Variants in PSMC3 observed in about 807,000 individuals in gnomAD.
The protein encoded by PSMC3 is 26S proteasome regulatory subunit 6A.
A neutral mutation model predicts 52.0 loss-of-function variants in PSMC3; 11 were observed. The ratio of observed to expected loss-of-function variants is 0.21; its 90% CI spans 0.13 to 0.35. The LOEUF (loss-of-function observed/expected upper bound fraction) is 0.35. Among genes scored for constraint, PSMC3 ranks in the 10% least tolerant of loss-of-function variants. PSMC3 has a pLI of 1.00. For synonymous variants in PSMC3, 201 were observed against 218.8 expected, an observed-to-expected ratio of 0.92 and a Z score of 0.72; for missense variants, 238 against 567.1, an observed-to-expected ratio of 0.42 and a Z score of 5.89.
Position 47,422,856 on chromosome 11 carries a change from C to A in PSMC3, c.709G>T (p.Ala237Ser). Reference sequence around the variant, plus strand: ...TTAGTCTGTGCGGCACAGGCCCGGGCCAGGAGGGTCTTCCCCGTCCCTGGG... The same window carrying A: ...TTAGTCTGTGCGGCACAGGCCCGGGACAGGAGGGTCTTCCCCGTCCCTGGG... ...GPPGTGKTLL[A>S]RACAAQTKAT... Residue 237 changes from alanine to serine, a missense_variant, in exon 7 of 12, where the codon GCC becomes TCC. Around this residue, in one of 6 missense-constraint regions of PSMC3, gnomAD observed 46 missense variants for 172.9 expected, o/e 0.27. Coordinates refer to ENST00000298852, the MANE Select transcript of PSMC3 (RefSeq NM_002804.5). This position sits in a 1 kb window ranked among gnomAD's most constrained non-coding sequence, Gnocchi z 4.3. 1 of 1,612,324 alleles carries A rather than the reference C, an allele frequency of 6.2e-7. No homozygotes were observed. Among genetic ancestry groups the A allele is most frequent in the Non-Finnish European group, 8.5e-7 (1 of 1,178,990 alleles).
At chr11:47,421,945 C>T (rs1270500465) in intron 8 of PSMC3, among the ~76,000 whole-genome samples, 1 of 152,088 alleles carries the variant, frequency 6.6e-6, no homozygotes, top group African/African-American at 2.4e-5. Flanking sequence ...AGCCACTGCA[C>T]CCAGCCAGGG....
In PSMC3 at chr11:47,422,451, G is replaced by T; in HGVS notation, c.884+123C>A. The T allele has an allele frequency of 8.3e-7, 1 of 1,198,086 alleles. No homozygotes were observed. The highest frequency in any genetic ancestry group is 1.2e-6 in the Non-Finnish European group (1 of 849,524). The allele number at this position is 1,198,086 out of a possible 1,614,324, so 74.2% of individuals were successfully genotyped here. A position where few individuals can be genotyped will look rare whatever the true frequency, so the allele number is the denominator to read the frequency against. Reference sequence around the variant, plus strand: ...GAATTGGAATCTCAAGAGTTGAGGAGCCACCATCCAGGGGCAGGAGGGGAT... The same window carrying T: ...GAATTGGAATCTCAAGAGTTGAGGATCCACCATCCAGGGGCAGGAGGGGAT... On this transcript the variant is annotated intron_variant, in intron 8 of 11. Coordinates refer to ENST00000298852, the MANE Select transcript of PSMC3 (RefSeq NM_002804.5). The surrounding 1 kb of genome is among the most constrained non-coding windows in gnomAD (Gnocchi z 4.3).
chr11:47,423,536 C>T (rs1266160210), intron 6 of PSMC3, among the ~76,000 whole-genome samples: 2 of 151,702 alleles, frequency 1.3e-5, no homozygotes, highest in Non-Finnish European at 2.9e-5. Context: ...CCTGTAATCC[C>T]AGCACTTTGG....
At chr11:47,425,795 C>G (rs10838709) in intron 2 of PSMC3, 72 bp downstream of exon 2, 64 of 1,384,138 alleles carry the variant, frequency 4.6e-5, no homozygotes, top group Middle Eastern at 1.8e-4. Context: ...TTAGGAAGTA[C>G]GAGAGGCGAC....
Position 47,426,411 on chromosome 11 carries a change from C to G in PSMC3, c.-132G>C, listed in dbSNP as rs561164447. 5.7e-4 allele frequency: 428 copies of G among 755,558 alleles called. 1 individual carries two copies. The African/African-American group carries it at 6.7e-3, about 12-fold the overall frequency. 46.8% of individuals were successfully genotyped at this position (755,558 alleles called of 1,614,324 possible). On this transcript the variant is annotated 5_prime_UTR_variant, in exon 1 of 12. Coordinates refer to ENST00000298852, the MANE Select transcript of PSMC3 (RefSeq NM_002804.5). ...AAATCCCGACTCTTGACCCGACCAG[C>G]TCCGGCCGTGCTGCGGAGCAGCGAA...
chr11:47,420,820 C>T (rs1303150558), intron 8 of PSMC3, 93 bp from the exon 9 acceptor site: 2 of 1,159,034 alleles, frequency 1.7e-6, no homozygotes. Flanking sequence ...CTAACCCGTC[C>T]AGGGCAGGGA....
At chr11:47,421,807 C>T (rs1038616027) in intron 8 of PSMC3, among the ~76,000 whole-genome samples, 3 of 152,032 alleles carry the variant, frequency 2.0e-5, no homozygotes, top group African/African-American at 7.3e-5. Flanking sequence ...CGCACACCAC[C>T]ACACCCGGCT....
In PSMC3 at chr11:47,424,632, G is replaced by C. The variant is rs1219857571; in HGVS notation, c.365C>G (p.Ala122Gly). Reference sequence around the variant, plus strand: ...CTGTCGTGTAGAGGTTTTGATCACAGCACACTTGCCCTTCCTCTGGGAGTC... The same window carrying C: ...CTGTCGTGTAGAGGTTTTGATCACACCACACTTGCCCTTCCTCTGGGAGTC... ...DLDSQRKGKC[A>G]VIKTSTRQTY... The change falls in exon 4 of 12, where the codon GCT (alanine) becomes GGT (glycine). Residue 122 changes from alanine to glycine, a missense_variant. By Grantham distance (60) the Ala-to-Gly change is moderately conservative. This residue lies in a region of PSMC3 where 21 missense variants were observed against 95.6 expected (regional missense o/e 0.22). Coordinates refer to ENST00000298852, the MANE Select transcript of PSMC3 (RefSeq NM_002804.5). The surrounding 1 kb of genome is among the most constrained non-coding windows in gnomAD (Gnocchi z 4.8). 6.2e-7 allele frequency: 1 copy of C among 1,613,544 alleles called. No individual in the cohort carries two copies.
Position 47,423,925 on chromosome 11 carries a change from C to G in PSMC3, c.591+121G>C. 3 of 1,392,278 alleles carry G rather than the reference C, an allele frequency of 2.2e-6. No individual in the cohort carries two copies. The South Asian group carries it at 3.8e-5, about 18-fold the overall frequency. 86.2% of individuals were successfully genotyped at this position (1,392,278 alleles called of 1,614,324 possible). A position where few individuals can be genotyped will look rare whatever the true frequency, so the allele number is the denominator to read the frequency against. On this transcript the variant is annotated intron_variant, in intron 6 of 11. Transcript: ENST00000298852. ...GTCTCCTCACCTGTCACATGGCACC[C>G]CTCCCTTCCTCCCTAGGTTGCTATG...
chr11:47,421,249 C>CAAAAAA (rs56344837), intron 8 of PSMC3, among the ~76,000 whole-genome samples: 3 of 61,404 alleles, frequency 4.9e-5, no homozygotes, highest in Non-Finnish European at 8.1e-5. Flanking sequence ...GACTCCATCT[C>CAAAAAA]AAAAAAAAAA....
chr11:47,423,404 C>CAA (rs773723021), intron 6 of PSMC3, among the ~76,000 whole-genome samples: 7 of 115,810 alleles, frequency 6.0e-5, no homozygotes, highest in Admixed American at 1.8e-4. Flanking sequence ...GACTCCGTCA[C>CAA]AAAAAAAAAA....
chr11:47,421,556 C>T (rs987303203), intron 8 of PSMC3, among the ~76,000 whole-genome samples: 2 of 151,994 alleles, frequency 1.3e-5, no homozygotes, highest in Non-Finnish European at 2.9e-5. Context: ...TGGGGACAGG[C>T]ATGAGATGAG....
chr11:47,421,249 CAAAAAAAAAAAA>C lies in PSMC3; in HGVS notation c.885-534_885-523del, dbSNP rs56344837. Among the ~76,000 whole-genome samples the C allele has an allele frequency of 9.3e-3, 574 of 61,440 alleles. 3 individuals carry two copies. Among genetic ancestry groups the C allele is most frequent in the African/African-American group, 0.04 (559 of 14,150 alleles). 40.3% of individuals were successfully genotyped at this position (61,440 alleles called of 152,430 possible). ...TGGACGACAGAGCGAGACTCCATCT[CAAAAAAAAAAAA>C]AAAAAAAAAAAAAAGCAAAACCAAC... On this transcript the variant is annotated intron_variant, in intron 8 of 11. Transcript: ENST00000298852.
intron 1 of PSMC3, 92 bp from the exon 2 acceptor site, chr11:47,426,042 C>T: frequency 7.0e-7 from 1 of 1,428,504 alleles, no homozygotes; most frequent in Non-Finnish European, 9.7e-7. Context: ...TCAGTTTCCA[C>T]GCCCATAAAA....
chr11:47,423,084 C>T (rs551096314), intron 6 of PSMC3, 111 bp from the exon 7 acceptor site: 112 of 1,162,796 alleles, frequency 9.6e-5, no homozygotes, highest in Middle Eastern at 8.2e-4. Flanking sequence ...CTCAGGGACA[C>T]GCCCATTTCT....
At chr11:47,425,496 A>G (rs2096045353) in intron 2 of PSMC3, 3 of 581,996 alleles carry the variant, frequency 5.2e-6, no homozygotes, top group East Asian at 5.7e-5. Context: ...AGAGGCAAAC[A>G]TAGGTTTTAG....
In PSMC3 at chr11:47,422,535, C is replaced by T. The variant is rs776231224; in HGVS notation, c.884+39G>A. ...TGAGAGTCAACCCGCTTCCCCTTAC[C>T]GCCACAGAGATCGCTAGGGACCCTT... On this transcript the variant is annotated intron_variant, in intron 8 of 11. Coordinates refer to ENST00000298852, the MANE Select transcript of PSMC3 (RefSeq NM_002804.5). This position sits in a 1 kb window ranked among gnomAD's most constrained non-coding sequence, Gnocchi z 4.3. 1.4e-5 allele frequency: 23 copies of T among 1,609,988 alleles called. No individual in the cohort carries two copies. Among genetic ancestry groups the T allele is most frequent in the Middle Eastern group, 1.6e-4 (1 of 6,078 alleles).
rs1209263098 is a variant in PSMC3, at chr11:47,422,416, C to G, written c.884+158G>C. Among the ~76,000 whole-genome samples, 1 of 152,052 alleles carries G rather than the reference C, an allele frequency of 6.6e-6. No individual in the cohort carries two copies. Among genetic ancestry groups the G allele is most frequent in the Non-Finnish European group, 1.5e-5 (1 of 67,990 alleles). ...CTGGGGAAACAGGGAGGCTATTGAT[C>G]AGGAGTTAGGAATTGGAATCTCAAG... is the stretch of plus-strand genomic sequence containing the variant. On this transcript the variant is annotated intron_variant, in intron 8 of 11. Coordinates refer to ENST00000298852, the MANE Select transcript of PSMC3 (RefSeq NM_002804.5). The surrounding 1 kb of genome is among the most constrained non-coding windows in gnomAD (Gnocchi z 4.3).
At position 47,422,048 on chromosome 11, in the gene PSMC3, C is replaced by CT. The variant is rs1198419192; in HGVS notation, c.884+525dup. Among the ~76,000 whole-genome samples the CT allele has an allele frequency of 0.021, 2,974 of 141,412 alleles. 64 individuals are homozygous for CT. Among genetic ancestry groups the CT allele is most frequent in the African/African-American group, 0.056 (2,174 of 38,758 alleles). 92.8% of individuals were successfully genotyped at this position (141,412 alleles called of 152,430 possible). ...GCTTTGGCTTTTTTTGTTTTGTTTT[C>CT]TTTTTTTTTTTTTGAGACAGAGTCT... On this transcript the variant is annotated intron_variant, in intron 8 of 11. Coordinates refer to ENST00000298852, the MANE Select transcript of PSMC3 (RefSeq NM_002804.5). This position sits in a 1 kb window ranked among gnomAD's most constrained non-coding sequence, Gnocchi z 4.3.
Sources: gnomAD v4.1 joint callset for allele counts (sites outside exome capture counted in the v4.1 genomes callset) on GRCh38, gnomAD v4.1.1 for gene constraint, gnomAD v4.1.1 regional missense constraint, Gnocchi (gnomAD v3.1) non-coding constraint, MANE v1.5 for transcripts, NCBI Gene and HGNC (gene_info 2026-07-23, HGNC 2026-07-21) for gene names.